AKR1C3: variants seen among roughly 807,000 people sequenced by gnomAD.
The protein encoded by AKR1C3 is aldo-keto reductase family 1 member C3.
Under a neutral mutation model 43.6 loss-of-function variants are expected in AKR1C3, and 48 were observed. That is an observed-to-expected ratio of 1.10 (90% CI 0.87 to 1.40). The LOEUF is 1.40. AKR1C3 is among the 40% of genes most tolerant of loss of function. The probability of loss-of-function intolerance (pLI) is 0.00; values close to 1 mark genes in which losing one functional copy is unlikely to be tolerated. For synonymous variants in AKR1C3, 162 were observed against 139.6 expected, an observed-to-expected ratio of 1.16 and a Z score of -1.13; for missense variants, 482 against 391.2, an observed-to-expected ratio of 1.23 and a Z score of -1.96.
chr10:5,053,991 G>A (rs948651610), intron 1 of AKR1C3, among the ~76,000 whole-genome samples: 1 of 152,238 alleles, frequency 6.6e-6, no homozygotes, highest in Non-Finnish European at 1.5e-5. Context: ...GACCTAGAAA[G>A]GGGAGAAGCC....
At chr10:5,094,324 T>C, upstream of AKR1C3, 2 of 1,079,608 alleles carry the variant, frequency 1.9e-6, no homozygotes, top group South Asian at 2.5e-5. Context: ...TCCTCCTACA[T>C]GCCATTGGTT....
At chr10:5,057,413 A>C (rs1838284424) in intron 1 of AKR1C3, among the ~76,000 whole-genome samples, 2 of 152,136 alleles carry the variant, frequency 1.3e-5, no homozygotes, top group African/African-American at 4.8e-5. Flanking sequence ...TAATGCCTCT[A>C]GATTTTGTTC....
At chr10:5,096,852 A>G (rs1202125994) in intron 2 of AKR1C3, among the ~76,000 whole-genome samples, 1 of 152,176 alleles carries the variant, frequency 6.6e-6, no homozygotes, top group Non-Finnish European at 1.5e-5. Flanking sequence ...AATCACAGAG[A>G]ACAATAATCA....
intron 3 of AKR1C3, 161 bp downstream of exon 3, chr10:5,097,711 T>C (rs1839243905): frequency 4.1e-6 from 6 of 1,463,116 alleles, no homozygotes; most frequent in Non-Finnish European, 5.4e-6. Flanking sequence ...TCGAGTAAAT[T>C]TTGAATCCTA....
intron 1 of AKR1C3, among the ~76,000 whole-genome samples, chr10:5,063,705 G>C (rs1838426644): frequency 7.7e-6 from 1 of 129,244 alleles, no homozygotes; most frequent in Non-Finnish European, 1.6e-5. Context: ...AGAGGTTGCA[G>C]TGAGCCAAGA....
In AKR1C3 at chr10:5,059,680, C is replaced by G. The variant is rs191248495; in HGVS notation, c.84+10785C>G. Among the ~76,000 whole-genome samples the G allele has an allele frequency of 1.8e-3, 276 of 152,208 alleles. 1 individual carries two copies. The highest frequency in any genetic ancestry group is 3.6e-3 in the Non-Finnish European group (246 of 68,018). Reference sequence around the variant, plus strand: ...GTGCCCGGTATTTAGCCCCCAAATTCTAAGGAAAAGTAGGACAGAATAGCA... The same window carrying G: ...GTGCCCGGTATTTAGCCCCCAAATTGTAAGGAAAAGTAGGACAGAATAGCA... On this transcript the variant is annotated intron_variant, in intron 1 of 8. Coordinates refer to the AKR1C3 transcript ENST00000439082.
At chr10:5,059,209 A>G (rs530859529) in intron 1 of AKR1C3, among the ~76,000 whole-genome samples, 69 of 152,280 alleles carry the variant, frequency 4.5e-4, no homozygotes, top group Non-Finnish European at 8.5e-4. Context: ...CCAGGTGCCT[A>G]AAGAAGGTAA....
chr10:5,065,804 G>A (rs1457971818), intron 1 of AKR1C3, among the ~76,000 whole-genome samples: 39 of 152,156 alleles, frequency 2.6e-4, no homozygotes, highest in Admixed American at 2.2e-3. Context: ...TATGTTCCCT[G>A]CCTCCAGACA....
intron 1 of AKR1C3, among the ~76,000 whole-genome samples, chr10:5,065,156 T>C (rs1838473288): frequency 6.6e-6 from 1 of 152,198 alleles, no homozygotes; most frequent in Non-Finnish European, 1.5e-5. Flanking sequence ...ACTTATACAC[T>C]GCTGGTGTAT....
chr10:5,106,916 A>ATAATAAAAAAAGGAAACCATG (rs1839515761), intron 8 of AKR1C3, among the ~76,000 whole-genome samples: 1 of 150,606 alleles, frequency 6.6e-6, no homozygotes, highest in Non-Finnish European at 1.5e-5. Context: ...AGGAAAATAA[A>ATAATAAAAAAAGGAAACCATG]TAAAAAAAGG....
rs186585809 is a variant in AKR1C3 at position 5,096,712 on chromosome 10, C to T, written c.252+135C>T. The T allele has an allele frequency of 2.1e-4, 294 of 1,389,908 alleles. 1 individual carries two copies. In the African/African-American group the frequency reaches 4.1e-3, roughly 19 times the overall value. 86.1% of individuals were successfully genotyped at this position (1,389,908 alleles called of 1,614,324 possible). ...AAATTTATTCACACATACTCACATA[C>T]TAAAACTGAAATCAAAATCAAGGAA... On this transcript the variant is annotated intron_variant, in intron 2 of 8. Coordinates refer to ENST00000380554, the MANE Select transcript of AKR1C3 (RefSeq NM_003739.6).
In AKR1C3 at chr10:5,103,251, A is replaced by AT. The variant is rs781826207; in HGVS notation, c.846+606dup. Among the ~76,000 whole-genome samples the AT allele has an allele frequency of 1.7e-3, 257 of 152,074 alleles. 1 individual carries two copies. Among genetic ancestry groups the AT allele is most frequent in the Non-Finnish European group, 3.2e-3 (216 of 67,984 alleles). On this transcript the variant is annotated intron_variant, in intron 7 of 8. Transcript: ENST00000380554. ...TTCTTTAGTCTACCAGTCATTGTGG[A>AT]TTTTTCATTTCCATTTCTTCGTACG...
chr10:5,064,906 C>A (rs1838464469), intron 1 of AKR1C3, among the ~76,000 whole-genome samples: 1 of 101,870 alleles, frequency 9.8e-6, no homozygotes, highest in Non-Finnish European at 1.9e-5. Flanking sequence ...CTACAAGAAA[C>A]CTAAACAAAA....
At chr10:5,060,873 G>A (rs532875369) in intron 1 of AKR1C3, among the ~76,000 whole-genome samples, 2 of 152,342 alleles carry the variant, frequency 1.3e-5, no homozygotes, top group Admixed American at 6.5e-5. Flanking sequence ...GAGCACAGCA[G>A]CTGCTGGCCC....
intron 1 of AKR1C3, among the ~76,000 whole-genome samples, chr10:5,070,246 T>C (rs1197306123): frequency 1.3e-5 from 2 of 152,212 alleles, no homozygotes; most frequent in East Asian, 1.9e-4. Context: ...TAGCTTCTGC[T>C]GGAATTTCTC....
intron 1 of AKR1C3, among the ~76,000 whole-genome samples, chr10:5,095,333 G>C (rs1301270188): frequency 6.6e-6 from 1 of 151,980 alleles, no homozygotes; most frequent in African/African-American, 2.4e-5. Context: ...GATCTACAAG[G>C]ATACATTTTC....
chr10:5,074,814 A>G (rs552121246), intron 1 of AKR1C3, among the ~76,000 whole-genome samples: 9 of 152,330 alleles, frequency 5.9e-5, no homozygotes, highest in South Asian at 2.1e-4. Flanking sequence ...TCCATAGCTT[A>G]TCTTTACAGT....
At chr10:5,080,768 A>G (rs1293377449) in intron 1 of AKR1C3, 1 of 152,294 alleles carries the variant, frequency 6.6e-6, no homozygotes, top group African/African-American at 2.4e-5. Context: ...TTTCTGGTTG[A>G]CACCTGACAG....
chr10:5,099,232 A>G, intron 4 of AKR1C3, 95 bp from the exon 5 acceptor site: 1 of 1,573,878 alleles, frequency 6.4e-7, no homozygotes, highest in Non-Finnish European at 8.6e-7. Flanking sequence ...TCATTGTCAT[A>G]CTTTGAAAGT....
Sources: gnomAD v4.1 joint callset for allele counts (sites outside exome capture counted in the v4.1 genomes callset) on GRCh38, gnomAD v4.1.1 for gene constraint, MANE v1.5 for transcripts, NCBI Gene and HGNC (gene_info 2026-07-23, HGNC 2026-07-21) for gene names.